The following PLSCR2 variants were observed in gnomAD, a reference collection of about 807,000 sequenced individuals.
The protein encoded by PLSCR2 is PL scramblase 2.
Under a neutral mutation model 25.3 loss-of-function variants are expected in PLSCR2, and 18 were observed. The observed-to-expected ratio is 0.71, with a 90% CI of 0.49 to 1.06. The LOEUF (loss-of-function observed/expected upper bound fraction) is 1.06. Ranked by LOEUF, PLSCR2 falls within the 50% of genes least tolerant of loss-of-function variation. The pLI is 0.00. For missense variants in PLSCR2, 243 were observed against 269.5 expected, an observed-to-expected ratio of 0.90 and a Z score of 0.69; for synonymous variants, 88 against 87.3, an observed-to-expected ratio of 1.01 and a Z score of -0.04.
chr3:146,396,385 T>G (rs1441481114), intron 2 of PLSCR2, among the ~76,000 whole-genome samples: 1 of 152,072 alleles, frequency 6.6e-6, no homozygotes, highest in Non-Finnish European at 1.5e-5. Context: ...TCATACTAAT[T>G]CCTTCAGAAT....
intron 3 of PLSCR2, among the ~76,000 whole-genome samples, chr3:146,392,441 G>A (rs753812711): frequency 6.6e-6 from 1 of 151,710 alleles, no homozygotes; most frequent in African/African-American, 2.4e-5. Flanking sequence ...TTTTGGAGAC[G>A]CTTTCTTAAG....
At chr3:146,414,464 A>C (rs950947236) in intron 2 of PLSCR2, among the ~76,000 whole-genome samples, 4 of 152,236 alleles carry the variant, frequency 2.6e-5, no homozygotes, top group African/African-American at 9.6e-5. Flanking sequence ...ATTTAGTATA[A>C]TTCAGCAAGA....
In PLSCR2 at chr3:146,483,376, A is replaced by G. The variant is rs1321159435; in HGVS notation, c.-293+12519T>C. ...CAGCAAACCAACATGGCACATGTAT[A>G]CCTATGTAACAAATCTGCATGTTGT... On this transcript the variant is annotated intron_variant, in intron 1 of 8. Coordinates refer to the PLSCR2 transcript ENST00000336685. Among the ~76,000 whole-genome samples, 6 of 146,960 alleles carry G rather than the reference A, an allele frequency of 4.1e-5. No homozygotes were observed. In the Admixed American group the frequency reaches 4.1e-4, roughly 10 times the overall value.
At chr3:146,407,013 C>T (rs1193983753) in intron 2 of PLSCR2, among the ~76,000 whole-genome samples, 1 of 152,124 alleles carries the variant, frequency 6.6e-6, no homozygotes, top group Non-Finnish European at 1.5e-5. Flanking sequence ...TAGGTGGCAC[C>T]TTCCTATACA....
chr3:146,459,138 T>C (rs2041401460), intron 2 of PLSCR2, among the ~76,000 whole-genome samples: 2 of 152,128 alleles, frequency 1.3e-5, no homozygotes, highest in South Asian at 4.1e-4. Flanking sequence ...AACTATCATG[T>C]AGTACAGCAA....
At chr3:146,494,284 G>A (rs2043667123) in intron 1 of PLSCR2, among the ~76,000 whole-genome samples, 1 of 152,042 alleles carries the variant, frequency 6.6e-6, no homozygotes, top group African/African-American at 2.4e-5. Flanking sequence ...TAAGAACTAT[G>A]TCACATCTAT....
At chr3:146,476,852 G>A (rs1293485179) in intron 1 of PLSCR2, among the ~76,000 whole-genome samples, 3 of 152,322 alleles carry the variant, frequency 2.0e-5, no homozygotes, top group African/African-American at 7.2e-5. Context: ...CAAAATTCTG[G>A]TCTCCCTGGG....
intron 5 of PLSCR2, among the ~76,000 whole-genome samples, chr3:146,452,380 A>T (rs1286809836): frequency 1.3e-5 from 2 of 152,228 alleles, no homozygotes; most frequent in East Asian, 3.8e-4. Context: ...ATTTATTTGC[A>T]GTGTAAATAT....
chr3:146,401,470 A>G (rs1254789108), intron 2 of PLSCR2: 1 of 152,568 alleles, frequency 6.6e-6, no homozygotes, highest in African/African-American at 2.4e-5. Context: ...TGTCGAAGGA[A>G]GCAATTATTT....
chr3:146,431,011 A>G (rs535777118), downstream of PLSCR2, among the ~76,000 whole-genome samples: 1 of 152,260 alleles, frequency 6.6e-6, no homozygotes, highest in East Asian at 1.9e-4. Context: ...GCATGAGGCA[A>G]GCACCCAAAC....
chr3:146,475,231 T>C (rs893426542), intron 1 of PLSCR2, among the ~76,000 whole-genome samples: 1 of 152,116 alleles, frequency 6.6e-6, no homozygotes, highest in Non-Finnish European at 1.5e-5. Context: ...CTCTGGCCTT[T>C]TGGGTTTTCA....
At chr3:146,416,248 C>T (rs1320704326) in intron 2 of PLSCR2, among the ~76,000 whole-genome samples, 3 of 151,732 alleles carry the variant, frequency 2.0e-5, no homozygotes, top group South Asian at 2.1e-4. Flanking sequence ...CTGCATCTGG[C>T]CAAAAGTAGG....
intron 2 of PLSCR2, among the ~76,000 whole-genome samples, chr3:146,420,709 A>G (rs747661172): frequency 6.6e-6 from 1 of 152,120 alleles, no homozygotes; most frequent in Non-Finnish European, 1.5e-5. Context: ...TACTTTCTAT[A>G]TTATAGATCT....
chr3:146,432,583 T>G (rs1487865205), downstream of PLSCR2, among the ~76,000 whole-genome samples: 1 of 152,184 alleles, frequency 6.6e-6, no homozygotes, highest in African/African-American at 2.4e-5. Context: ...AGGTCTCTAC[T>G]CAAAGGCAGG....
intron 6 of PLSCR2, among the ~76,000 whole-genome samples, chr3:146,448,943 C>A (rs959402154): frequency 2.0e-5 from 3 of 152,004 alleles, no homozygotes; most frequent in African/African-American, 7.2e-5. Flanking sequence ...TTTAATAACC[C>A]TACCCCAAAC....
intron 2 of PLSCR2, among the ~76,000 whole-genome samples, chr3:146,396,866 A>G (rs2038292291): frequency 6.6e-6 from 1 of 152,116 alleles, no homozygotes. Context: ...TGAACCCACC[A>G]TTCCCCCTCA....
intron 3 of PLSCR2, 52 bp from the exon 4 acceptor site, chr3:146,455,511 T>C (rs572816430): frequency 9.4e-7 from 1 of 1,059,900 alleles, no homozygotes; most frequent in Admixed American, 1.8e-5. Flanking sequence ...ATTGAACCTA[T>C]CTTAAGATAT....
chr3:146,482,048 C>T (rs1449841651), intron 1 of PLSCR2, among the ~76,000 whole-genome samples: 1 of 152,132 alleles, frequency 6.6e-6, no homozygotes, highest in Non-Finnish European at 1.5e-5. Flanking sequence ...AGCTGGATCC[C>T]TTCCTTACAC....
At chr3:146,476,297 G>A (rs569625213) in intron 1 of PLSCR2, among the ~76,000 whole-genome samples, 5 of 152,338 alleles carry the variant, frequency 3.3e-5, no homozygotes, top group Admixed American at 2.6e-4. Flanking sequence ...ACATGGGGCA[G>A]GGGGAGCTCC....
Sources: gnomAD v4.1 joint callset for allele counts (sites outside exome capture counted in the v4.1 genomes callset) on GRCh38, gnomAD v4.1.1 for gene constraint, MANE v1.5 for transcripts, NCBI Gene and HGNC (gene_info 2026-07-23, HGNC 2026-07-21) for gene names.